The following IMPA2 variants were observed in gnomAD, a reference collection of about 807,000 sequenced individuals.
IMPA2 encodes the protein inositol monophosphatase 2.
A neutral mutation model predicts 35.1 loss-of-function variants in IMPA2; 32 were observed. The ratio of observed to expected loss-of-function variants is 0.91; its 90% CI spans 0.69 to 1.23. IMPA2 has a LOEUF of 1.23. IMPA2 is among the 50% of genes most tolerant of loss of function. The probability of loss-of-function intolerance (pLI) is 0.00; values close to 1 mark genes in which losing one functional copy is unlikely to be tolerated. For missense variants in IMPA2, 334 were observed against 387.6 expected (o/e 0.86, Z 1.16); for synonymous variants, 135 against 160.6 (o/e 0.84, Z 1.20).
chr18:11,991,903 G>A lies in IMPA2; in HGVS notation c.97-7151G>A, dbSNP rs1906825885. ...CTGTCTCCCAGGATGGAGTGCAGTG[G>A]CGTAATCTTGGCTCACCGCAACCTC... On this transcript the variant is annotated intron_variant, in intron 1 of 7. Transcript: ENST00000269159. This position sits in a 1 kb window ranked among gnomAD's most constrained non-coding sequence, Gnocchi z 4.1. Among the ~76,000 whole-genome samples the A allele has an allele frequency of 6.6e-6, 1 of 151,572 alleles. No individual in the cohort carries two copies. Among genetic ancestry groups the A allele is most frequent in the Non-Finnish European group, 1.5e-5 (1 of 67,950 alleles).
At chr18:11,993,851 T>TGCTGCCC (rs1196615651) in intron 1 of IMPA2, 1 of 152,344 alleles carries the variant, frequency 6.6e-6, no homozygotes, top group African/African-American at 2.4e-5. Flanking sequence ...GCATGGGGCA[T>TGCTGCCC]GCTGCCCTGG....
At chr18:12,029,110 T>TTCTG (rs1907971183) in intron 7 of IMPA2, 117 bp downstream of exon 7, 2 of 351,688 alleles carry the variant, frequency 5.7e-6, no homozygotes, top group East Asian at 3.9e-4. Context: ...GAGTTTCTGT[T>TTCTG]TTTTTTTTTT....
intron 2 of IMPA2, among the ~76,000 whole-genome samples, chr18:12,003,973 GT>G (rs1907186387): frequency 6.6e-6 from 1 of 152,266 alleles, no homozygotes; most frequent in Non-Finnish European, 1.5e-5. Context: ...CAAGGGTCTA[GT>G]GTTTTTAGCT....
intron 5 of IMPA2, 144 bp from the exon 6 acceptor site, chr18:12,027,899 A>T: frequency 1.7e-6 from 1 of 600,364 alleles, no homozygotes; most frequent in Non-Finnish European, 3.0e-6. Flanking sequence ...AGTTTTCAAC[A>T]TAGATATCAA....
chr18:12,028,355 C>T, intron 6 of IMPA2: 1 of 563,552 alleles, frequency 1.8e-6, no homozygotes, highest in South Asian at 2.4e-5. Flanking sequence ...GATGCGTGGG[C>T]ACCTGTGTTG....
chr18:12,010,350 C>T lies in IMPA2; in HGVS notation c.335+363C>T, dbSNP rs994316712. 3 of 198,790 alleles carry T rather than the reference C, an allele frequency of 1.5e-5. No individual in the cohort carries two copies. Among genetic ancestry groups the T allele is most frequent in the Non-Finnish European group, 3.1e-5 (3 of 97,096 alleles). 12.3% of individuals were successfully genotyped at this position (198,790 alleles called of 1,614,324 possible). On this transcript the variant is annotated intron_variant, in intron 3 of 7. Coordinates refer to ENST00000269159, the MANE Select transcript of IMPA2 (RefSeq NM_014214.3). The surrounding 1 kb of genome is among the most constrained non-coding windows in gnomAD (Gnocchi z 4.8). Reference sequence around the variant, plus strand: ...AAGCCTGTGCTGCCCCACAGTGGCCCGGAGCCCAAGGTGTAGAGAGTGGCC... The same window carrying T: ...AAGCCTGTGCTGCCCCACAGTGGCCTGGAGCCCAAGGTGTAGAGAGTGGCC...
intron 5 of IMPA2, among the ~76,000 whole-genome samples, chr18:12,019,345 C>T (rs1054940938): frequency 3.3e-5 from 5 of 151,994 alleles, no homozygotes; most frequent in Non-Finnish European, 5.9e-5. Context: ...ACCCCTGCCT[C>T]CCAGGTTCCA....
At chr18:12,009,858 C>T in intron 2 of IMPA2, 25 bp from the exon 3 acceptor site, 1 of 1,589,682 alleles carries the variant, frequency 6.3e-7, no homozygotes, top group Non-Finnish European at 8.6e-7. Flanking sequence ...GGTGCATTTT[C>T]TCAGGCTGGG....
rs1384759921 is a variant in IMPA2, at chr18:12,003,669, AGG to A, written c.230+4483_230+4484del. On this transcript the variant is annotated intron_variant, in intron 2 of 7. Coordinates refer to ENST00000269159, the MANE Select transcript of IMPA2 (RefSeq NM_014214.3). Reference sequence around the variant, plus strand: ...CCATCTTAAAAAAAAAAAAAAGAAAAGGAAAAAAAAAAAAAAAGGCAGCATGG... The same window carrying A: ...CCATCTTAAAAAAAAAAAAAAGAAAAAAAAAAAAAAAAAAAGGCAGCATGG... Among the ~76,000 whole-genome samples the A allele has an allele frequency of 1.4e-3, 34 of 23,508 alleles. 4 individuals are homozygous for A. Among genetic ancestry groups the A allele is most frequent in the Middle Eastern group, 0.028 (1 of 36 alleles). 15.4% of individuals were successfully genotyped at this position (23,508 alleles called of 152,430 possible).
At chr18:11,992,992 A>G (rs977205466) in intron 1 of IMPA2, among the ~76,000 whole-genome samples, 1 of 152,206 alleles carries the variant, frequency 6.6e-6, no homozygotes, top group Non-Finnish European at 1.5e-5. Context: ...TGTACATTGT[A>G]TGTACGGTAG....
chr18:12,014,180 G>C, intron 4 of IMPA2, 85 bp from the exon 5 acceptor site: 1 of 920,194 alleles, frequency 1.1e-6, no homozygotes, highest in East Asian at 2.5e-5. Context: ...GCCTAGCGCA[G>C]CCTTCATCTT....
At chr18:12,008,465 T>G (rs759030923) in intron 2 of IMPA2, 5 of 485,912 alleles carry the variant, frequency 1.0e-5, no homozygotes, top group African/African-American at 9.8e-5. Context: ...CTTAGTGAAC[T>G]TGGGACAGTC....
intron 5 of IMPA2, among the ~76,000 whole-genome samples, chr18:12,026,128 G>A (rs539348048): frequency 6.3e-4 from 93 of 148,508 alleles, no homozygotes; most frequent in African/African-American, 2.1e-3. Context: ...TCCGCCTCCC[G>A]GGTTCAAGCG....
intron 1 of IMPA2, among the ~76,000 whole-genome samples, chr18:11,989,359 C>T (rs1255039303): frequency 1.3e-5 from 2 of 152,168 alleles, no homozygotes; most frequent in Non-Finnish European, 2.9e-5. Flanking sequence ...CCAGCTCCTG[C>T]CTCGCCTGGT....
chr18:11,984,535 C>T (rs548842428), intron 1 of IMPA2, among the ~76,000 whole-genome samples: 33 of 152,298 alleles, frequency 2.2e-4, no homozygotes, highest in African/African-American at 7.9e-4. Flanking sequence ...TTTAGGGGGC[C>T]CTCTTTAAGA....
intron 1 of IMPA2, among the ~76,000 whole-genome samples, chr18:11,990,017 CCT>C (rs1906769542): frequency 6.6e-6 from 1 of 152,118 alleles, no homozygotes; most frequent in Non-Finnish European, 1.5e-5. Flanking sequence ...TAGGCCCCTC[CCT>C]CTCTCCTGGC....
chr18:12,016,440 T>A (rs1277232952), intron 5 of IMPA2, among the ~76,000 whole-genome samples: 1 of 151,860 alleles, frequency 6.6e-6, no homozygotes, highest in Non-Finnish European at 1.5e-5. Flanking sequence ...TTTTTTTTTT[T>A]TCTGAGATGG....
At chr18:12,002,468 A>G (rs1907138996) in intron 2 of IMPA2, among the ~76,000 whole-genome samples, 2 of 152,162 alleles carry the variant, frequency 1.3e-5, no homozygotes, top group Admixed American at 1.3e-4. Context: ...GAATCAAAGA[A>G]TGATAAGGTT....
intron 2 of IMPA2, among the ~76,000 whole-genome samples, chr18:12,003,152 G>A (rs1402025897): frequency 6.7e-6 from 1 of 149,860 alleles, no homozygotes; most frequent in Non-Finnish European, 1.5e-5. Context: ...CTGAGATCAC[G>A]CCACTGCACT....
Sources: gnomAD v4.1 joint callset for allele counts (sites outside exome capture counted in the v4.1 genomes callset) on GRCh38, gnomAD v4.1.1 for gene constraint, Gnocchi (gnomAD v3.1) non-coding constraint, MANE v1.5 for transcripts, NCBI Gene and HGNC (gene_info 2026-07-23, HGNC 2026-07-21) for gene names.